DEPDC5: variants seen among roughly 807,000 people sequenced by gnomAD.
DEPDC5 encodes DEP domain containing 5, GATOR1 subcomplex subunit, also known as GATOR1 complex protein DEPDC5.
A neutral mutation model predicts 217.3 loss-of-function variants in DEPDC5; 73 were observed. The ratio of observed to expected loss-of-function variants is 0.34; its 90% CI spans 0.28 to 0.41. DEPDC5 has a LOEUF of 0.41. DEPDC5 is among the 10% of genes least tolerant of loss of function. DEPDC5 has a pLI of 1.00. For missense variants in DEPDC5, 1,675 were observed against 2,070.1 expected, an observed-to-expected ratio of 0.81 and a Z score of 3.70; for synonymous variants, 733 against 756.7, an observed-to-expected ratio of 0.97 and a Z score of 0.51.
At chr22:31,757,253 C>G (rs1199074372) in intron 2 of DEPDC5, 1 of 152,096 alleles carries the variant, frequency 6.6e-6, no homozygotes, top group Non-Finnish European at 1.5e-5. Flanking sequence ...GAGGCTGGGA[C>G]AGGAGGATCA....
chr22:31,768,893 G>A (rs757280636), intron 7 of DEPDC5, 30 bp downstream of exon 7: 2 of 1,611,920 alleles, frequency 1.2e-6, no homozygotes, highest in Middle Eastern at 1.7e-4. Context: ...TGCCTTATCT[G>A]TGCAGTAACT....
Position 31,822,693 on chromosome 22 carries a change from G to T in DEPDC5, c.2007G>T (p.Arg669Ser). 2 of 1,613,978 alleles carry T rather than the reference G, an allele frequency of 1.2e-6. No homozygotes were observed. The highest frequency in any genetic ancestry group is 2.2e-5 in the East Asian group (1 of 44,880). The part of the protein sequence containing the change: ...LELAYHEAAG[R>S]HSNSRQPGDG... ...GGTGGCTGGGCTCTGTTCTCTGCAGGCACAGCAATTCCCGCCAGCCTGGTG... is the reference window on the plus strand; with the variant it reads ...GGTGGCTGGGCTCTGTTCTCTGCAGTCACAGCAATTCCCGCCAGCCTGGTG... Residue 669 changes from arginine (R) to serine (S), a missense_variant and splice_region_variant, in exon 24 of 43, where the codon AGG becomes AGT. Transcript: ENST00000651528.
At chr22:31,883,220 G>A (rs2093223412) in intron 38 of DEPDC5, among the ~76,000 whole-genome samples, 1 of 152,156 alleles carries the variant, frequency 6.6e-6, no homozygotes, top group Non-Finnish European at 1.5e-5. Context: ...CGCTGTCCTA[G>A]GGGGAACTGA....
intron 33 of DEPDC5, among the ~76,000 whole-genome samples, chr22:31,863,026 T>C (rs1313182772): frequency 6.6e-6 from 1 of 152,122 alleles, no homozygotes; most frequent in Admixed American, 6.5e-5. Context: ...TAATTTTTTA[T>C]TTTTTTAGAG....
intron 4 of DEPDC5, 102 bp from the exon 5 acceptor site, chr22:31,764,872 TG>T (rs2082683448): frequency 7.6e-6 from 6 of 789,206 alleles, no homozygotes; most frequent in Non-Finnish European, 1.3e-5. Flanking sequence ...CCGTGTCAGA[TG>T]ATCAATTGTG....
At chr22:31,782,510 C>T (rs1178365446) in intron 8 of DEPDC5, among the ~76,000 whole-genome samples, 1 of 152,188 alleles carries the variant, frequency 6.6e-6, no homozygotes, top group African/African-American at 2.4e-5. Flanking sequence ...TTTACGTTCC[C>T]TCTAAACTTC....
Position 31,754,913 on chromosome 22 carries a change from C to T in DEPDC5, c.-9C>T. The T allele has an allele frequency of 6.2e-7, 1 of 1,614,170 alleles. No individual in the cohort carries two copies. The highest frequency in any genetic ancestry group is 8.5e-7 in the Non-Finnish European group (1 of 1,180,030). On this transcript the variant is annotated 5_prime_UTR_variant, in exon 2 of 43. Transcript: ENST00000651528. ...AGCTTGGAACAGCTAAAGGGAAAAA[C>T]AGTGCAAGATGAGAACAACAAAGGT... is the stretch of plus-strand genomic sequence containing the variant.
Position 31,798,622 on chromosome 22 carries a change from A to G in DEPDC5, c.912A>G (p.Gly304=). The change falls in exon 14 of 43, where the codon GGA becomes GGG. Residue 304 remains glycine, a synonymous_variant. Coordinates refer to ENST00000651528, the MANE Select transcript of DEPDC5 (RefSeq NM_001242896.3). ...GAGATAATTCTACCTCAGCACAAGG[A>G]AACTACCTGGAGGCCATCAATCTGT... ...PQGDNSTSAQ[G]NYLEAINLSF... is the part of the protein sequence containing the mutation. The G allele has an allele frequency of 6.2e-7, 1 of 1,611,998 alleles. No individual in the cohort carries two copies. Among genetic ancestry groups the G allele is most frequent in the Non-Finnish European group, 8.5e-7 (1 of 1,178,640 alleles).
intron 40 of DEPDC5, 61 bp from the exon 41 acceptor site, chr22:31,901,681 C>G (rs371255676): frequency 6.2e-5 from 89 of 1,443,782 alleles, no homozygotes; most frequent in Non-Finnish European, 8.5e-5. Context: ...AGAAGACTGG[C>G]CCAGAGAGAA....
intron 5 of DEPDC5, among the ~76,000 whole-genome samples, chr22:31,765,617 G>T (rs1007589407): frequency 6.6e-6 from 1 of 152,176 alleles, no homozygotes; most frequent in Non-Finnish European, 1.5e-5. Flanking sequence ...AGATTAGCTG[G>T]GTGTGTTGTA....
chr22:31,843,680 A>G lies in DEPDC5; in HGVS notation c.2669A>G (p.Tyr890Cys), dbSNP rs2091536475. Reference sequence around the variant, plus strand: ...GAATCTGCCCAGATCCACTACACCTACAGCCTCTGTCCTTCCCACTCAGAC... The same window carrying G: ...GAATCTGCCCAGATCCACTACACCTGCAGCCTCTGTCCTTCCCACTCAGAC... ...PYESAQIHYT[Y>C]SLCPSHSDSE... The change falls in exon 29 of 43, where the codon TAC becomes TGC. Residue 890 changes from tyrosine to cysteine, a missense_variant. Tyr to Cys is a radical substitution (Grantham distance 194). Coordinates refer to ENST00000651528, the MANE Select transcript of DEPDC5 (RefSeq NM_001242896.3). The G allele has an allele frequency of 1.9e-6, 3 of 1,613,074 alleles. No homozygotes were observed. The highest frequency in any genetic ancestry group is 1.7e-6 in the Non-Finnish European group (2 of 1,179,214).
intron 10 of DEPDC5, among the ~76,000 whole-genome samples, chr22:31,786,982 G>A (rs1037828601): frequency 6.6e-6 from 1 of 152,038 alleles, no homozygotes; most frequent in Non-Finnish European, 1.5e-5. Flanking sequence ...GTTTTACCAT[G>A]TTGGCCAGGC....
chr22:31,897,585 G>T lies in DEPDC5; in HGVS notation c.4307G>T (p.Arg1436Leu). 6.2e-7 allele frequency: 1 copy of T among 1,614,036 alleles called. No homozygotes were observed. Among genetic ancestry groups the T allele is most frequent in the Non-Finnish European group, 8.5e-7 (1 of 1,180,008 alleles). Reference protein sequence around the residue: ...LPSYLYGDPLRAQLFIPLNIS... With the variant: ...LPSYLYGDPLLAQLFIPLNIS... ...AGTTACCTGTATGGCGACCCCCTTC[G>T]TGCCCAGCTCTTCATCCCACTCAAC... The change falls in exon 40 of 43, where the codon CGT becomes CTT. Residue 1436 changes from arginine (R) to leucine (L), a missense_variant. Coordinates refer to ENST00000651528, the MANE Select transcript of DEPDC5 (RefSeq NM_001242896.3).
intron 22 of DEPDC5, among the ~76,000 whole-genome samples, chr22:31,820,997 A>G (rs1229892821): frequency 6.6e-6 from 1 of 152,234 alleles, no homozygotes; most frequent in Non-Finnish European, 1.5e-5. Context: ...TTTGTTGAAC[A>G]CTTAGCTCTA....
chr22:31,893,873 A>G, intron 39 of DEPDC5, 122 bp downstream of exon 39: 3 of 1,115,264 alleles, frequency 2.7e-6, no homozygotes, highest in Non-Finnish European at 3.6e-6. Context: ...ATTCATCGGG[A>G]CTATTGGAGT....
chr22:31,802,898 A>G, intron 15 of DEPDC5, 60 bp downstream of exon 15: 1 of 1,486,510 alleles, frequency 6.7e-7, no homozygotes, highest in Non-Finnish European at 9.0e-7. Context: ...TCCCCTTAGA[A>G]CTGTGAGCTT....
chr22:31,845,277 G>A, intron 30 of DEPDC5, 40 bp downstream of exon 30: 1 of 1,585,520 alleles, frequency 6.3e-7, no homozygotes, highest in Non-Finnish European at 8.6e-7. Context: ...CCTGGTGTGA[G>A]ATGCAGGGCC....
chr22:31,784,727 CTTAGAGAAGAAA>C (rs1362491070), intron 9 of DEPDC5, 75 bp from the exon 10 acceptor site: 26 of 1,297,540 alleles, frequency 2.0e-5, no homozygotes, highest in East Asian at 7.3e-5. Context: ...GAAGAATTTA[CTTAGAGAAGAAA>C]TTAGAGAAGA....
At position 31,829,789 on chromosome 22, in the gene DEPDC5, G is replaced by A. The variant is rs140029006; in HGVS notation, c.2105-4126G>A. Among the ~76,000 whole-genome samples the A allele has an allele frequency of 3.9e-5, 6 of 152,232 alleles. No individual in the cohort carries two copies. The East Asian group carries it at 1.2e-3, about 29-fold the overall frequency. ...GTCTTCACTTGTTTTTCACCCTGCTGCCCAGCAGAGACAGGGCAGTTGGTG... is the reference window on the plus strand; with the variant it reads ...GTCTTCACTTGTTTTTCACCCTGCTACCCAGCAGAGACAGGGCAGTTGGTG... On this transcript the variant is annotated intron_variant, in intron 24 of 42. Coordinates refer to ENST00000651528, the MANE Select transcript of DEPDC5 (RefSeq NM_001242896.3).
Sources: allele counts gnomAD v4.1 joint callset (sites outside exome capture counted in the v4.1 genomes callset), GRCh38; gene constraint gnomAD v4.1.1; transcripts MANE v1.5; gene names NCBI Gene and HGNC (gene_info 2026-07-23, HGNC 2026-07-21).